The following GCLC variants were observed in gnomAD, a reference collection of about 807,000 sequenced individuals.
GCLC encodes glutamate-cysteine ligase catalytic subunit, also known as glutamate--cysteine ligase catalytic subunit.
A neutral mutation model predicts 81.5 loss-of-function variants in GCLC; 30 were observed. The observed-to-expected ratio is 0.37, with a 90% CI of 0.28 to 0.50. The LOEUF (loss-of-function observed/expected upper bound fraction) is 0.50, where lower values mean the gene tolerates loss of function less well. Among genes scored for constraint, GCLC ranks in the 20% least tolerant of loss-of-function variants. The probability of loss-of-function intolerance (pLI) is 0.96; values close to 1 mark genes in which losing one functional copy is unlikely to be tolerated. For synonymous variants in GCLC, 262 were observed against 273.3 expected, an observed-to-expected ratio of 0.96 and a Z score of 0.41; for missense variants, 556 against 777.4, an observed-to-expected ratio of 0.72 and a Z score of 3.39.
Position 53,522,569 on chromosome 6 carries a change from C to T in GCLC, c.151-42G>A, listed in dbSNP as rs200457114. On this transcript the variant is annotated intron_variant, in intron 1 of 15. Coordinates refer to ENST00000650454, the MANE Select transcript of GCLC (RefSeq NM_001498.4). ...TGAGAAAAATTAACATTCTTCCAGA[C>T]TTGTTTTCAGTGTGGCCTCCAGAAG... is the stretch of plus-strand genomic sequence containing the variant. The T allele has an allele frequency of 2.4e-5, 31 of 1,313,514 alleles. No individual in the cohort carries two copies. The African/African-American group carries it at 4.0e-4, about 17-fold the overall frequency. The allele number at this position is 1,313,514 out of a possible 1,614,324, so 81.4% of individuals were successfully genotyped here. A position where few individuals can be genotyped will look rare whatever the true frequency, so the allele number is the denominator to read the frequency against.
chr6:53,519,309 C>T (rs1360842026), intron 3 of GCLC, among the ~76,000 whole-genome samples: 1 of 151,964 alleles, frequency 6.6e-6, no homozygotes, highest in African/African-American at 2.4e-5. Flanking sequence ...AGGAAGTCCC[C>T]GCTTGTTTGG....
At chr6:53,516,532 T>C (rs1043744303) in intron 3 of GCLC, among the ~76,000 whole-genome samples, 1 of 152,182 alleles carries the variant, frequency 6.6e-6, no homozygotes, top group African/African-American at 2.4e-5. Flanking sequence ...GAAGGACTGA[T>C]AGCACAGAAG....
At chr6:53,540,124 T>C (rs1011850793) in intron 1 of GCLC, among the ~76,000 whole-genome samples, 3 of 152,204 alleles carry the variant, frequency 2.0e-5, no homozygotes, top group African/African-American at 7.2e-5. Flanking sequence ...ATAATATTCT[T>C]ACTATGGTAT....
chr6:53,527,712 C>T (rs375713073), intron 1 of GCLC, among the ~76,000 whole-genome samples: 11 of 152,156 alleles, frequency 7.2e-5, no homozygotes, highest in South Asian at 2.1e-4. Flanking sequence ...CAGTCTAAGC[C>T]GGTCTAGAAG....
Position 53,544,583 on chromosome 6 carries a change from G to C in GCLC, c.63C>G (p.His21Gln). The C allele has an allele frequency of 6.2e-7, 1 of 1,605,974 alleles. No homozygotes were observed. ...SWEETKRHAD[H>Q]VRRHGILQFL... ...ACTGGAGGATCCCGTGCCGCCGCAC[G>C]TGGTCGGCATGGCGCTTGGTTTCCT... Residue 21 changes from histidine to glutamine, a missense_variant, in exon 1 of 16, where the codon CAC becomes CAG. His to Gln is a conservative substitution (Grantham distance 24). Transcript: ENST00000650454.
At position 53,497,430 on chromosome 6, in the gene GCLC, G is replaced by A. The variant is rs1764390568; in HGVS notation, c.*1326C>T. ...CCTTTTTACAACCTGATTTACACAA[G>A]CAAATTGCAAACGAAAACCAGGCAT... On this transcript the variant is annotated 3_prime_UTR_variant, in exon 16 of 16. Transcript: ENST00000650454. 1 of 152,100 alleles carries A rather than the reference G, an allele frequency of 6.6e-6. No individual in the cohort carries two copies. Among genetic ancestry groups the A allele is most frequent in the East Asian group, 1.9e-4 (1 of 5,190 alleles). The allele number at this position is 152,100 out of a possible 1,614,324, so 9.4% of individuals were successfully genotyped here.
chr6:53,542,914 CAGG>C (rs1242929736), intron 1 of GCLC, among the ~76,000 whole-genome samples: 1 of 152,046 alleles, frequency 6.6e-6, no homozygotes, highest in Non-Finnish European at 1.5e-5. Context: ...GAGGCTGAGG[CAGG>C]AGAATTGCTT....
intron 1 of GCLC, among the ~76,000 whole-genome samples, chr6:53,538,131 CT>C (rs1763286849): frequency 1.1e-5 from 1 of 93,456 alleles, no homozygotes; most frequent in African/African-American, 3.9e-5. Flanking sequence ...TTTCTTTTTT[CT>C]TTCCTTTTTT....
chr6:53,507,331 A>T, intron 9 of GCLC, 149 bp downstream of exon 9: 2 of 804,886 alleles, frequency 2.5e-6, no homozygotes, highest in South Asian at 1.5e-5. Context: ...TTGGAACCTG[A>T]AACTTTAGGA....
chr6:53,544,395 G>T, intron 1 of GCLC, 101 bp downstream of exon 1: 1 of 1,296,260 alleles, frequency 7.7e-7, no homozygotes, highest in Non-Finnish European at 1.1e-6. Flanking sequence ...GCGCAGTGGA[G>T]AACGCGGACC....
At chr6:53,519,554 CCA>C (rs1762948676) in intron 3 of GCLC, among the ~76,000 whole-genome samples, 1 of 152,192 alleles carries the variant, frequency 6.6e-6, no homozygotes, top group Admixed American at 6.5e-5. Flanking sequence ...CCCCCCAGCT[CCA>C]CAGAGACAGA....
chr6:53,507,633 T>A lies in GCLC; in HGVS notation c.946-15A>T, dbSNP rs532376867. On this transcript the variant is annotated splice_polypyrimidine_tract_variant and intron_variant, in intron 8 of 15. Coordinates refer to ENST00000650454, the MANE Select transcript of GCLC (RefSeq NM_001498.4). ...TTCTTCAATGGCTAAAGATTAAAAA[T>A]ATATATAAATGAATATGCTATATAA... The A allele has an allele frequency of 6.2e-5, 74 of 1,194,250 alleles. No individual in the cohort carries two copies. The highest frequency in any genetic ancestry group is 9.0e-5 in the Non-Finnish European group (73 of 809,586). The allele number at this position is 1,194,250 out of a possible 1,614,324, so 74.0% of individuals were successfully genotyped here.
At chr6:53,524,268 G>C (rs1649325819) in intron 1 of GCLC, among the ~76,000 whole-genome samples, 1 of 152,238 alleles carries the variant, frequency 6.6e-6, no homozygotes, top group Admixed American at 6.5e-5. Flanking sequence ...GTGTCAGGCA[G>C]AGATTTGAAG....
chr6:53,508,725 A>G lies in GCLC; in HGVS notation c.829-14T>C, dbSNP rs759093934. On this transcript the variant is annotated splice_polypyrimidine_tract_variant and intron_variant, in intron 7 of 15. Transcript: ENST00000650454. ...ACTCAAAGCCATCTAAAAACAAACAAAAGTCAGCTCCTGCAAATTCAAAGT... is the reference window on the plus strand; with the variant it reads ...ACTCAAAGCCATCTAAAAACAAACAGAAGTCAGCTCCTGCAAATTCAAAGT... 16 of 1,539,598 alleles carry G rather than the reference A, an allele frequency of 1.0e-5. No individual in the cohort carries two copies. Among genetic ancestry groups the G allele is most frequent in the African/African-American group, 1.4e-5 (1 of 73,616 alleles).
Position 53,506,791 on chromosome 6 carries a change from T to C in GCLC, c.1197+122A>G. The C allele has an allele frequency of 1.4e-6, 1 of 692,700 alleles. No individual in the cohort carries two copies. The highest frequency in any genetic ancestry group is 1.6e-5 in the South Asian group (1 of 62,122). 42.9% of individuals were successfully genotyped at this position (692,700 alleles called of 1,614,324 possible). On this transcript the variant is annotated intron_variant, in intron 10 of 15. Coordinates refer to ENST00000650454, the MANE Select transcript of GCLC (RefSeq NM_001498.4). The surrounding 1 kb of genome is among the most constrained non-coding windows in gnomAD (Gnocchi z 4.0). ...GTCTTATGAAATTTCTTTTGTGTTC[T>C]CCACAGGTACAGAAAACTGCCTCCC...
rs762506159 is a variant in GCLC, at chr6:53,516,175, A to T, written c.494T>A (p.Val165Glu). ...GAGGGACTTGGAAGCTCCTCCTTCC[A>T]CTGGGTTGGGTTTGACCTCGGGCAG... ...FTLPEVKPNP[V>E]EGGASKSLFF... is the part of the protein sequence containing the mutation. Residue 165 changes from valine (V) to glutamate (E), a missense_variant, in exon 4 of 16, where the codon GTG (valine) becomes GAG (glutamate). This residue lies in a region of GCLC where 234 missense variants were observed against 303.8 expected (regional missense o/e 0.77). Transcript: ENST00000650454. 2.5e-6 allele frequency: 4 copies of T among 1,613,950 alleles called. No individual in the cohort carries two copies. Among genetic ancestry groups the T allele is most frequent in the Non-Finnish European group, 3.4e-6 (4 of 1,179,830 alleles).
chr6:53,514,710 C>T (rs568005641), intron 4 of GCLC, among the ~76,000 whole-genome samples: 3 of 152,276 alleles, frequency 2.0e-5, no homozygotes, highest in South Asian at 2.1e-4. Flanking sequence ...GGCTCCTGCT[C>T]GAGAATGCCG....
intron 1 of GCLC, among the ~76,000 whole-genome samples, chr6:53,540,251 C>T (rs1425539072): frequency 7.0e-6 from 1 of 143,706 alleles, no homozygotes; most frequent in Non-Finnish European, 1.5e-5. Context: ...GATGTAGAGA[C>T]AACTAAACGT....
At chr6:53,512,704 C>G (rs1764776870) in intron 6 of GCLC, among the ~76,000 whole-genome samples, 1 of 152,068 alleles carries the variant, frequency 6.6e-6, no homozygotes, top group African/African-American at 2.4e-5. Context: ...AAAATTCTAT[C>G]TACAAGCAAC....
Sources: gnomAD v4.1 joint callset for allele counts (sites outside exome capture counted in the v4.1 genomes callset) on GRCh38, gnomAD v4.1.1 for gene constraint, gnomAD v4.1.1 regional missense constraint, Gnocchi (gnomAD v3.1) non-coding constraint, MANE v1.5 for transcripts, NCBI Gene and HGNC (gene_info 2026-07-23, HGNC 2026-07-21) for gene names.